Variants in SLC5A4 observed in about 807,000 individuals in gnomAD.
SLC5A4 encodes the protein probable glucose sensor protein SLC5A4.
A neutral mutation model predicts 70.3 loss-of-function variants in SLC5A4; 55 were observed. That is an observed-to-expected ratio of 0.78 (90% CI 0.63 to 0.98). SLC5A4 has a LOEUF of 0.98. Among genes scored for constraint, SLC5A4 ranks in the 50% least tolerant of loss-of-function variants. SLC5A4 has a pLI of 0.00. For synonymous variants in SLC5A4, 268 were observed against 305.7 expected, an observed-to-expected ratio of 0.88 and a Z score of 1.29; for missense variants, 735 against 839.2, an observed-to-expected ratio of 0.88 and a Z score of 1.53.
chr22:32,291,220 T>TTC, the SLC5A4 span, among the ~76,000 whole-genome samples: 2 of 149,954 alleles, frequency 1.3e-5, no homozygotes, highest in African/African-American at 2.5e-5. Flanking sequence ...TTTTTTTTTT[T>TTC]TGAGATGGAG....
intron 5 of SLC5A4, among the ~76,000 whole-genome samples, chr22:32,239,518 T>TTTTATATATATATATATA (rs1455543266): frequency 7.9e-5 from 2 of 25,228 alleles, no homozygotes; most frequent in Admixed American, 8.8e-4. Context: ...GGAGTGCATA[T>TTTTATATATATATATATA]TATATATATA....
At chr22:32,231,187 A>T in intron 9 of SLC5A4, 112 bp from the exon 10 acceptor site, 1 of 702,986 alleles carries the variant, frequency 1.4e-6, no homozygotes, top group Admixed American at 2.1e-5. Flanking sequence ...ATTTGCCTGG[A>T]AACTGGAGAT....
the SLC5A4 span, among the ~76,000 whole-genome samples, chr22:32,344,968 A>C: frequency 6.6e-6 from 1 of 152,192 alleles, no homozygotes; most frequent in Non-Finnish European, 1.5e-5. Flanking sequence ...CAGCTAATTT[A>C]AGAAAAACAT....
the SLC5A4 span, among the ~76,000 whole-genome samples, chr22:32,329,104 TTC>T: frequency 6.6e-6 from 1 of 152,250 alleles, no homozygotes; most frequent in African/African-American, 2.4e-5. Flanking sequence ...TGGATCAGGC[TTC>T]TCTGCATCAC....
At chr22:32,329,767 GGGCTCTGGTGTGTGTGTTGGA>G in the SLC5A4 span, among the ~76,000 whole-genome samples, 14 of 80,158 alleles carry the variant, frequency 1.7e-4, no homozygotes, top group Non-Finnish European at 2.9e-4. Flanking sequence ...TGTGTGTTGG[GGGCTCTGGTGTGTGTGTTGGA>G]GGCTCTGGTG....
At chr22:32,288,531 C>G in the SLC5A4 span, among the ~76,000 whole-genome samples, 12 of 152,096 alleles carry the variant, frequency 7.9e-5, no homozygotes, top group Non-Finnish European at 1.8e-4. Context: ...ATATTGCTTT[C>G]TCTGTCTCTT....
rs747186568 is a variant in SLC5A4, at chr22:32,239,032, A to G, written c.536T>C (p.Leu179Pro). The G allele has an allele frequency of 1.3e-5, 21 of 1,613,940 alleles. No individual in the cohort carries two copies. In the Admixed American group the frequency reaches 2.3e-4, roughly 18 times the overall value. Residue 179 changes from leucine to proline, a missense_variant, in exon 6 of 15, where the codon CTG becomes CCG. Transcript: ENST00000266086. The stretch of plus-strand genomic sequence containing the variant: ...CATAGCCAAGAGGATGAAGATTGCC[A>G]GGTAAAGGTCCAATCCCAAGGCCAG... Reference protein sequence around the residue: ...IKLALGLDLYLAIFILLAMTA... With the variant: ...IKLALGLDLYPAIFILLAMTA...
chr22:32,341,178 G>C, the SLC5A4 span, among the ~76,000 whole-genome samples: 1 of 152,150 alleles, frequency 6.6e-6, no homozygotes, highest in Non-Finnish European at 1.5e-5. Flanking sequence ...TCAAGGGAGA[G>C]AGACCAGGGG....
the SLC5A4 span, among the ~76,000 whole-genome samples, chr22:32,299,050 G>C: frequency 6.3e-5 from 9 of 142,470 alleles, no homozygotes; most frequent in African/African-American, 2.1e-4. Context: ...GCTTCCCTTT[G>C]AGGGTAACCC....
At chr22:32,281,038 G>A in the SLC5A4 span, among the ~76,000 whole-genome samples, 1 of 152,168 alleles carries the variant, frequency 6.6e-6, no homozygotes, top group Admixed American at 6.5e-5. Context: ...GAAGGAAAAG[G>A]CTGTGGAAGG....
chr22:32,303,244 A>G, the SLC5A4 span, among the ~76,000 whole-genome samples: 1 of 152,220 alleles, frequency 6.6e-6, no homozygotes, highest in Non-Finnish European at 1.5e-5. Context: ...ATGAGACATC[A>G]TCAATATGTG....
the SLC5A4 span, among the ~76,000 whole-genome samples, chr22:32,265,434 A>G: frequency 1.8e-4 from 27 of 152,134 alleles, no homozygotes. Context: ...GTTTTAGATG[A>G]CCTCCAGAGA....
chr22:32,350,565 CATT>C, the SLC5A4 span, among the ~76,000 whole-genome samples: 6 of 152,140 alleles, frequency 3.9e-5, no homozygotes, highest in East Asian at 5.8e-4. Context: ...TCTGTAGAAA[CATT>C]AATCTGTAAA....
chr22:32,313,603 G>A, the SLC5A4 span, among the ~76,000 whole-genome samples: 1 of 152,202 alleles, frequency 6.6e-6, no homozygotes, highest in African/African-American at 2.4e-5. Flanking sequence ...AGCTTTGAAT[G>A]GCAGAGTCAA....
At chr22:32,229,371 T>C in intron 10 of SLC5A4, 27 bp from the exon 11 acceptor site, 1 of 1,609,986 alleles carries the variant, frequency 6.2e-7, no homozygotes, top group Non-Finnish European at 8.5e-7. Context: ...GTACAAGCAC[T>C]GGTTAGTGGC....
intron 13 of SLC5A4, among the ~76,000 whole-genome samples, chr22:32,221,419 A>G (rs375857254): frequency 1.6e-4 from 24 of 152,134 alleles, no homozygotes; most frequent in African/African-American, 5.3e-4. Flanking sequence ...TAACTTTCAA[A>G]CTATCTTCTT....
chr22:32,219,384 G>T (rs1196484137), intron 14 of SLC5A4, among the ~76,000 whole-genome samples: 1 of 152,054 alleles, frequency 6.6e-6, no homozygotes, highest in Non-Finnish European at 1.5e-5. Context: ...ATGGCTATCT[G>T]TTGCAGCACT....
At chr22:32,303,671 G>A in the SLC5A4 span, among the ~76,000 whole-genome samples, 1 of 152,012 alleles carries the variant, frequency 6.6e-6, no homozygotes, top group Non-Finnish European at 1.5e-5. Flanking sequence ...ATCTTGTATT[G>A]TCTGGATGTA....
At chr22:32,303,414 G>C in the SLC5A4 span, among the ~76,000 whole-genome samples, 1 of 152,338 alleles carries the variant, frequency 6.6e-6, no homozygotes, top group African/African-American at 2.4e-5. Context: ...GGGTGGCGTA[G>C]AGTAGCCGCC....
Sources: gnomAD v4.1 joint callset for allele counts (sites outside exome capture counted in the v4.1 genomes callset) on GRCh38, gnomAD v4.1.1 for gene constraint, MANE v1.5 for transcripts, NCBI Gene and HGNC (gene_info 2026-07-23, HGNC 2026-07-21) for gene names.